Variants in MBD5 observed in about 807,000 individuals in gnomAD.
MBD5 encodes the protein methyl-CpG-binding domain protein 5.
A neutral mutation model predicts 117.3 loss-of-function variants in MBD5; 13 were observed. The observed-to-expected ratio is 0.11, with a 90% CI of 0.07 to 0.18. The LOEUF (loss-of-function observed/expected upper bound fraction) is 0.18, where lower values mean the gene tolerates loss of function less well. MBD5 is among the 10% of genes least tolerant of loss of function. The pLI, the probability that MBD5 is intolerant of heterozygous loss-of-function variation, is 1.00. For synonymous variants in MBD5, 727 were observed against 766.4 expected, an observed-to-expected ratio of 0.95 and a Z score of 0.85; for missense variants, 1,879 against 2,093.8, an observed-to-expected ratio of 0.90 and a Z score of 2.00.
chr2:148,362,300 G>T (rs1444401586), intron 4 of MBD5, among the ~76,000 whole-genome samples: 1 of 152,134 alleles, frequency 6.6e-6, no homozygotes, highest in Non-Finnish European at 1.5e-5. Flanking sequence ...CTTGGTGGGG[G>T]GAGGGGCATC....
intron 1 of MBD5, among the ~76,000 whole-genome samples, chr2:148,075,089 G>C (rs1313868120): frequency 1.3e-5 from 2 of 152,104 alleles, no homozygotes; most frequent in Admixed American, 6.5e-5. Context: ...GAAAAGCTTT[G>C]TGGGAAGAGA....
chr2:148,236,499 G>A (rs1440484841), intron 3 of MBD5, among the ~76,000 whole-genome samples: 1 of 152,086 alleles, frequency 6.6e-6, no homozygotes, highest in Non-Finnish European at 1.5e-5. Context: ...TGGATGACTA[G>A]GTATACTATA....
At chr2:148,209,528 T>C (rs562112102) in intron 2 of MBD5, among the ~76,000 whole-genome samples, 1 of 152,136 alleles carries the variant, frequency 6.6e-6, no homozygotes, top group South Asian at 2.1e-4. Flanking sequence ...TCTTTCTTTT[T>C]TTTTTTTTAA....
At chr2:148,030,656 C>T (rs556508449) in intron 1 of MBD5, among the ~76,000 whole-genome samples, 4 of 152,146 alleles carry the variant, frequency 2.6e-5, no homozygotes, top group South Asian at 2.1e-4. Flanking sequence ...GGAAGGTTGA[C>T]GAATTCTTTT....
intron 1 of MBD5, among the ~76,000 whole-genome samples, chr2:148,149,499 C>T (rs575400981): frequency 9.0e-4 from 135 of 149,242 alleles, no homozygotes; most frequent in Non-Finnish European, 1.5e-3. Context: ...GTTCTAGATC[C>T]CTGAGGAATC....
intron 5 of MBD5, among the ~76,000 whole-genome samples, chr2:148,461,917 A>G (rs1308135099): frequency 1.3e-5 from 2 of 152,064 alleles, no homozygotes; most frequent in South Asian, 2.1e-4. Flanking sequence ...CTAAAACCCT[A>G]TTTCCTCATA....
rs1704666946 is a variant in MBD5 at position 148,394,885 on chromosome 2, C to T, written c.-557+52549C>T. The stretch of plus-strand genomic sequence containing the variant: ...TTTCTTCTAACTCCTATATCAACAC[C>T]TTTTCTTACTTTCTTCCTAAGATCA... On this transcript the variant is annotated intron_variant, in intron 4 of 13. Coordinates refer to ENST00000642680, the MANE Select transcript of MBD5 (RefSeq NM_001378120.1). 2.0e-5 allele frequency among the ~76,000 whole-genome samples: 3 copies of T among 152,094 alleles called. No homozygotes were observed. The South Asian group carries it at 6.2e-4, about 32-fold the overall frequency.
At chr2:148,305,525 A>G (rs1223217279) in intron 3 of MBD5, among the ~76,000 whole-genome samples, 1 of 152,180 alleles carries the variant, frequency 6.6e-6, no homozygotes, top group East Asian at 1.9e-4. Context: ...TAAATGGTCG[A>G]CTGAGGGTGA....
intron 4 of MBD5, among the ~76,000 whole-genome samples, chr2:148,423,596 A>G (rs1340950766): frequency 6.6e-6 from 1 of 152,242 alleles, no homozygotes; most frequent in Admixed American, 6.5e-5. Flanking sequence ...CTGCAAAAAC[A>G]TACCAAATTG....
chr2:148,181,759 T>A (rs550434090), intron 2 of MBD5, among the ~76,000 whole-genome samples: 6 of 152,172 alleles, frequency 3.9e-5, no homozygotes, highest in Admixed American at 3.9e-4. Context: ...TTATAAAATA[T>A]CTGCTTCCAT....
At chr2:148,194,811 A>T (rs1305970348) in intron 2 of MBD5, among the ~76,000 whole-genome samples, 1 of 152,100 alleles carries the variant, frequency 6.6e-6, no homozygotes, top group Non-Finnish European at 1.5e-5. Flanking sequence ...CAGATGGAAT[A>T]AGTAGAAAAC....
chr2:148,154,209 C>T (rs557806677), intron 1 of MBD5, among the ~76,000 whole-genome samples: 220 of 151,620 alleles, frequency 1.5e-3, no homozygotes, highest in Non-Finnish European at 2.4e-3. Flanking sequence ...TGTGAGGTGT[C>T]AGTCTGCCCC....
chr2:148,061,543 T>C (rs1695036111), intron 1 of MBD5, among the ~76,000 whole-genome samples: 1 of 152,058 alleles, frequency 6.6e-6, no homozygotes, highest in Non-Finnish European at 1.5e-5. Context: ...AAATGTAATA[T>C]TCCTTTATAT....
intron 3 of MBD5, among the ~76,000 whole-genome samples, chr2:148,293,923 C>G (rs1051182638): frequency 9.2e-5 from 14 of 152,192 alleles, no homozygotes; most frequent in African/African-American, 3.4e-4. Context: ...AGTACTTTCT[C>G]CTACAATATT....
intron 3 of MBD5, among the ~76,000 whole-genome samples, chr2:148,335,363 A>G (rs560963733): frequency 6.6e-6 from 1 of 152,332 alleles, no homozygotes; most frequent in Admixed American, 6.5e-5. Flanking sequence ...CCTAGGCAAC[A>G]GAGCAAGACC....
At chr2:148,354,030 T>G (rs1397523010) in intron 4 of MBD5, among the ~76,000 whole-genome samples, 1 of 152,172 alleles carries the variant, frequency 6.6e-6, no homozygotes, top group Non-Finnish European at 1.5e-5. Flanking sequence ...CTCTTCTTCT[T>G]CCTGATTTCA....
rs537768113 is a variant in MBD5, at chr2:148,288,332, G to A, written c.-679-53882G>A. The stretch of plus-strand genomic sequence containing the variant: ...GGAGAATGGCGTGAACCCGGGAGGC[G>A]GAGCTTGCAGTGAGCTGAGATCCCG... On this transcript the variant is annotated intron_variant, in intron 3 of 13. Coordinates refer to ENST00000642680, the MANE Select transcript of MBD5 (RefSeq NM_001378120.1). Among the ~76,000 whole-genome samples, 59 of 102,086 alleles carry A rather than the reference G, an allele frequency of 5.8e-4. 8 individuals are homozygous for A. Among genetic ancestry groups the A allele is most frequent in the African/African-American group, 1.8e-3 (53 of 29,872 alleles). The allele number at this position is 102,086 out of a possible 152,430, so 67.0% of individuals were successfully genotyped here.
chr2:148,292,756 A>G (rs1416074568), intron 3 of MBD5, among the ~76,000 whole-genome samples: 1 of 152,180 alleles, frequency 6.6e-6, no homozygotes, highest in African/African-American at 2.4e-5. Context: ...TATTGAAGAT[A>G]TATCTGTGCA....
intron 4 of MBD5, among the ~76,000 whole-genome samples, chr2:148,442,197 A>G (rs1263143117): frequency 1.3e-5 from 2 of 151,340 alleles, no homozygotes; most frequent in Admixed American, 6.6e-5. Flanking sequence ...TAAATCAGAG[A>G]CTGTATTTTG....
Sources: allele counts gnomAD v4.1 joint callset (sites outside exome capture counted in the v4.1 genomes callset), GRCh38; gene constraint gnomAD v4.1.1; transcripts MANE v1.5; gene names NCBI Gene and HGNC (gene_info 2026-07-23, HGNC 2026-07-21).